Variants in ZFPL1 observed in about 807,000 individuals in gnomAD.
ZFPL1 encodes zinc finger protein-like 1.
A neutral mutation model predicts 32.0 loss-of-function variants in ZFPL1; 28 were observed. The ratio of observed to expected loss-of-function variants is 0.87; its 90% confidence interval spans 0.65 to 1.20. The LOEUF (loss-of-function observed/expected upper bound fraction) is 1.20, where lower values mean the gene tolerates loss of function less well. Ranked by LOEUF, ZFPL1 falls within the 50% of genes most tolerant of loss-of-function variation. The pLI is 0.00. For synonymous variants in ZFPL1, 165 were observed against 177.0 expected, an observed-to-expected ratio of 0.93 and a Z score of 0.54; for missense variants, 386 against 424.8, an observed-to-expected ratio of 0.91 and a Z score of 0.80.
At position 65,086,419 on chromosome 11, in the gene ZFPL1, CT is replaced by C. The variant is rs1947679826; in HGVS notation, c.222del (p.His75ThrfsTer44). ...ETTRLVCYDLFHWACLNERAA... is the reference protein window; with the variant it reads ...ETTRLVCYDLXHWACLNERAA... The stretch of plus-strand genomic sequence containing the variant: ...CCCTGTCTCATGGGCCCTAAGATCT[CT>C]TTCACTGGGCCTGCCTCAATGAACG... On this transcript the variant is annotated frameshift_variant, in exon 4 of 8. Coordinates refer to ENST00000294258, the MANE Select transcript of ZFPL1 (RefSeq NM_006782.4). LOFTEE classifies it high-confidence loss of function. 2 of 1,613,996 alleles carry C rather than the reference CT, an allele frequency of 1.2e-6. No individual in the cohort carries two copies. The highest frequency in any genetic ancestry group is 1.7e-5 in the Admixed American group (1 of 59,998).
In ZFPL1 at chr11:65,086,729, G is replaced by T. The variant is rs1947683552; in HGVS notation, c.418G>T (p.Val140Leu). The T allele has an allele frequency of 6.2e-7, 1 of 1,614,116 alleles. No homozygotes were observed. The highest frequency in any genetic ancestry group is 1.3e-5 in the African/African-American group (1 of 74,938). ...AGATTCCTTCCTCCAGATCGATGAGGTGGTGAGCCCAGAGCCCGAGCCCCT... is the reference window on the plus strand; with the variant it reads ...AGATTCCTTCCTCCAGATCGATGAGTTGGTGAGCCCAGAGCCCGAGCCCCT... ...AGLGLPLIDE[V>L]VSPEPEPLNT... Residue 140 changes from valine to leucine, a missense_variant, in exon 5 of 8, where the codon GTG becomes TTG. Val to Leu is a conservative substitution (Grantham distance 32). Transcript: ENST00000294258.
At position 65,088,046 on chromosome 11, in the gene ZFPL1, G is replaced by T; in HGVS notation, c.865G>T (p.Ala289Ser). The T allele has an allele frequency of 6.2e-7, 1 of 1,611,380 alleles. No homozygotes were observed. ...TGCCCTCATGTCTCGCCTAGGCCGG[G>T]CCGCAGCTGACAGCGATCCCAACCT... is the stretch of plus-strand genomic sequence containing the variant. ...LLALMSRLGR[A>S]AADSDPNLDP... is the part of the protein sequence containing the mutation. Residue 289 changes from alanine (A) to serine (S), a missense_variant, in exon 8 of 8, where the codon GCC (alanine) becomes TCC (serine). Ala to Ser is a moderately conservative substitution (Grantham distance 99). Transcript: ENST00000294258.
At position 65,087,020 on chromosome 11, in the gene ZFPL1, C is replaced by T. The variant is rs200388509; in HGVS notation, c.574C>T (p.Arg192Trp). 23 of 1,613,924 alleles carry T rather than the reference C, an allele frequency of 1.4e-5. No individual in the cohort carries two copies. Among genetic ancestry groups the T allele is most frequent in the Middle Eastern group, 1.6e-4 (1 of 6,062 alleles). ...CCCCCGGCCCCCAGCTTCCCCAGGCCGGCCCGAGCAGCACACAGTGATCCA... is the reference window on the plus strand; with the variant it reads ...CCCCCGGCCCCCAGCTTCCCCAGGCTGGCCCGAGCAGCACACAGTGATCCA... Reference protein sequence around the residue: ...QAPRPPASPGRPEQHTVIHMG... With the variant: ...QAPRPPASPGWPEQHTVIHMG... Residue 192 changes from arginine (R) to tryptophan (W), a missense_variant, in exon 6 of 8, where the codon CGG becomes TGG. Arg to Trp is a moderately radical substitution (Grantham distance 101). Coordinates refer to ENST00000294258, the MANE Select transcript of ZFPL1 (RefSeq NM_006782.4).
chr11:65,088,134 G>T lies in ZFPL1; in HGVS notation c.*20G>T, dbSNP rs775437719. ...TCCTGAGCCCCCTTGCTTGTGGCTA[G>T]GCCAGCCTAGGATGTGGGTTCTGTG... On this transcript the variant is annotated 3_prime_UTR_variant, in exon 8 of 8. Transcript: ENST00000294258. 1 of 1,596,652 alleles carries T rather than the reference G, an allele frequency of 6.3e-7. No individual in the cohort carries two copies. The highest frequency in any genetic ancestry group is 8.5e-7 in the Non-Finnish European group (1 of 1,176,764).
rs201891029 is a variant in ZFPL1 at position 65,086,480 on chromosome 11, G to A, written c.280G>A (p.Gly94Ser). 137 of 1,613,988 alleles carry A rather than the reference G, an allele frequency of 8.5e-5. No individual in the cohort carries two copies. Among genetic ancestry groups the A allele is most frequent in the Middle Eastern group, 4.9e-4 (3 of 6,062 alleles). ...GCTACCCCGAAACACGGCACCTGCC[G>A]GCTATCAGTGCCCCAGCTGCAATGG... ...AQLPRNTAPA[G>S]YQCPSCNGPI... The change falls in exon 4 of 8, where the codon GGC becomes AGC. Residue 94 changes from glycine (G) to serine (S), a missense_variant. Coordinates refer to ENST00000294258, the MANE Select transcript of ZFPL1 (RefSeq NM_006782.4).
rs376559149 is a variant in ZFPL1, at chr11:65,087,339, C to G, written c.652C>G (p.Arg218Gly). Residue 218 changes from arginine to glycine, a missense_variant, in exon 7 of 8, where the codon CGG (arginine) becomes GGG (glycine). By Grantham distance (125) the Arg-to-Gly change is moderately radical. Coordinates refer to ENST00000294258, the MANE Select transcript of ZFPL1 (RefSeq NM_006782.4). ...AGCCCCTAGGAAGGTGTATGATACG[C>G]GGGATGATGACCGGACACCAGGCCT... ...THAPRKVYDT[R>G]DDDRTPGLHG... 1.9e-6 allele frequency: 3 copies of G among 1,614,038 alleles called. No individual in the cohort carries two copies. The highest frequency in any genetic ancestry group is 2.5e-6 in the Non-Finnish European group (3 of 1,179,982).
chr11:65,087,136 G>A (rs769159830), intron 6 of ZFPL1, 62 bp downstream of exon 6: 261 of 1,580,284 alleles, frequency 1.7e-4, no homozygotes, highest in Non-Finnish European at 1.2e-4. Flanking sequence ...GTTTGTATAG[G>A]GGGAGCTTGA....
intron 3 of ZFPL1, chr11:65,086,080 C>G: frequency 2.6e-6 from 1 of 386,578 alleles, no homozygotes; most frequent in Non-Finnish European, 4.8e-6. Flanking sequence ...TATCGAGGAA[C>G]CTTTTCTGAA....
In ZFPL1 at chr11:65,086,487, A is replaced by G. The variant is rs373459285; in HGVS notation, c.287A>G (p.Gln96Arg). The G allele has an allele frequency of 1.2e-4, 186 of 1,614,066 alleles. 5 individuals are homozygous for G. In the South Asian group the frequency reaches 1.5e-3, roughly 13 times the overall value. ...CGAAACACGGCACCTGCCGGCTATC[A>G]GTGCCCCAGCTGCAATGGCCCCATC... ...LPRNTAPAGY[Q>R]CPSCNGPIFP... Residue 96 changes from glutamine (Q) to arginine (R), a missense_variant, in exon 4 of 8, where the codon CAG (glutamine) becomes CGG (arginine). Physicochemically the swap from Gln to Arg is conservative, Grantham distance 43 (BLOSUM62 1). Transcript: ENST00000294258.
At position 65,087,919 on chromosome 11, in the gene ZFPL1, TC is replaced by T; in HGVS notation, c.747-3del. The T allele has an allele frequency of 1.3e-6, 2 of 1,548,830 alleles. No homozygotes were observed. The highest frequency in any genetic ancestry group is 1.7e-6 in the Non-Finnish European group (2 of 1,161,866). On this transcript the variant is annotated splice_polypyrimidine_tract_variant and splice_region_variant and intron_variant, in intron 7 of 7. Coordinates refer to ENST00000294258, the MANE Select transcript of ZFPL1 (RefSeq NM_006782.4). The stretch of plus-strand genomic sequence containing the variant: ...GGGGCCTGACCTGATTTTCCCCTCA[TC>T]CCCCCAGGAGCCGGGCTGGGTCTCG...
In ZFPL1 at chr11:65,084,786, G is replaced by A. The variant is rs768949842; in HGVS notation, c.88G>A (p.Ala30Thr). ...RVNVCEHCLV[A>T]NHAKCIVQSY... ...CAACGTCTGCGAGCACTGCCTGGTA[G>A]CCAATCACGCCAAGGTGGGGCCTTC... is the stretch of plus-strand genomic sequence containing the variant. The change falls in exon 2 of 8, where the codon GCC becomes ACC. Residue 30 changes from alanine to threonine, a missense_variant. Transcript: ENST00000294258. The A allele has an allele frequency of 3.7e-6, 6 of 1,614,000 alleles. No individual in the cohort carries two copies. In the African/African-American group the frequency reaches 6.7e-5, roughly 18 times the overall value.
rs781683259 is a variant in ZFPL1, at chr11:65,086,411, TA to T, written c.215-2del. ...CTCTTCTCCCCTGTCTCATGGGCCC[TA>T]AGATCTCTTTCACTGGGCCTGCCTC... On this transcript the variant is annotated splice_polypyrimidine_tract_variant and splice_region_variant and intron_variant, in intron 3 of 7. Transcript: ENST00000294258. 3.1e-6 allele frequency: 5 copies of T among 1,614,106 alleles called. No individual in the cohort carries two copies. Among genetic ancestry groups the T allele is most frequent in the Non-Finnish European group, 4.2e-6 (5 of 1,180,034 alleles).
chr11:65,085,266 G>A lies in ZFPL1; in HGVS notation c.214+40G>A, dbSNP rs758943678. ...CCTCGGGGGGATCAGGCCAGCCTCA[G>A]GGGCCAGCTTGGTGACTGGTTTCCA... On this transcript the variant is annotated intron_variant, in intron 3 of 7. Coordinates refer to ENST00000294258, the MANE Select transcript of ZFPL1 (RefSeq NM_006782.4). The A allele has an allele frequency of 2.5e-6, 4 of 1,583,564 alleles. No homozygotes were observed. The South Asian group carries it at 4.4e-5, about 18-fold the overall frequency.
At chr11:65,086,250 T>C in intron 3 of ZFPL1, 165 bp from the exon 4 acceptor site, 1 of 951,388 alleles carries the variant, frequency 1.1e-6, no homozygotes, top group Non-Finnish European at 1.6e-6. Context: ...TAGATGGTGG[T>C]AGCCAAGAAG....
At chr11:65,084,481 G>A (rs962608689) in intron 1 of ZFPL1, 103 bp downstream of exon 1, 7 of 591,500 alleles carry the variant, frequency 1.2e-5, no homozygotes, top group African/African-American at 1.9e-5. Context: ...GGCCTGGCCG[G>A]GGGCGGGATC....
At chr11:65,085,987 C>CG in intron 3 of ZFPL1, 1 of 169,326 alleles carries the variant, frequency 5.9e-6, no homozygotes, top group Non-Finnish European at 1.3e-5. Flanking sequence ...ATAGGGAATG[C>CG]CACTTGTGTT....
Position 65,088,078 on chromosome 11 carries a change from A to G in ZFPL1, c.897A>G (p.Pro299=), listed in dbSNP as rs758018320. The change falls in exon 8 of 8, where the codon CCA becomes CCG. Residue 299 remains proline (P), a synonymous_variant. Transcript: ENST00000294258. The part of the protein sequence containing the change: ...AAADSDPNLD[P]LMNPHIRVGP... ...CTGACAGCGATCCCAACCTGGACCC[A>G]CTCATGAACCCTCACATCCGCGTGG... The G allele has an allele frequency of 1.2e-6, 2 of 1,611,308 alleles. No homozygotes were observed. The highest frequency in any genetic ancestry group is 1.7e-5 in the Admixed American group (1 of 59,640).
Position 65,086,797 on chromosome 11 carries a change from GT to G in ZFPL1, c.481+6del, listed in dbSNP as rs779082095. The G allele has an allele frequency of 1.2e-6, 2 of 1,614,246 alleles. No individual in the cohort carries two copies. Among genetic ancestry groups the G allele is most frequent in the South Asian group, 2.2e-5 (2 of 91,086 alleles). The stretch of plus-strand genomic sequence containing the variant: ...CTGACTGGTCTAGTTTTAATGGTAA[GT>G]GGTGGCTTCCACCGACTGTTTGGGC... On this transcript the variant is annotated splice_donor_region_variant and intron_variant, in intron 5 of 7. Coordinates refer to ENST00000294258, the MANE Select transcript of ZFPL1 (RefSeq NM_006782.4).
Position 65,087,919 on chromosome 11 carries a change from T to C in ZFPL1, c.747-9T>C, listed in dbSNP as rs1590805587. 6.5e-7 allele frequency: 1 copy of C among 1,548,844 alleles called. No individual in the cohort carries two copies. On this transcript the variant is annotated splice_polypyrimidine_tract_variant and intron_variant, in intron 7 of 7. Coordinates refer to ENST00000294258, the MANE Select transcript of ZFPL1 (RefSeq NM_006782.4). ...GGGGCCTGACCTGATTTTCCCCTCA[T>C]CCCCCCAGGAGCCGGGCTGGGTCTC...
Sources: gnomAD v4.1 joint callset for allele counts on GRCh38, gnomAD v4.1.1 for gene constraint, MANE v1.5 for transcripts, NCBI Gene and HGNC (gene_info 2026-07-23, HGNC 2026-07-21) for gene names.